Variants in MSRB3 observed in about 807,000 individuals in gnomAD.
The protein encoded by MSRB3 is methionine sulfoxide reductase B3, also known as methionine-R-sulfoxide reductase B3.
A neutral mutation model predicts 21.0 loss-of-function variants in MSRB3; 13 were observed. The observed-to-expected ratio is 0.62, with a 90% confidence interval of 0.40 to 0.98. The LOEUF (loss-of-function observed/expected upper bound fraction) is 0.98. Among genes scored for constraint, MSRB3 ranks in the 50% least tolerant of loss-of-function variants. The pLI is 0.00. For missense variants in MSRB3, 199 were observed against 230.3 expected (o/e 0.86, Z 0.88); for synonymous variants, 87 against 88.6 (o/e 0.98, Z 0.10).
intron 1 of MSRB3, chr12:65,279,173 C>G: frequency 1.1e-6 from 1 of 885,106 alleles, no homozygotes; most frequent in African/African-American, 1.8e-5. Context: ...GGGAGCCTCT[C>G]GCCCCGCGCG....
intron 1 of MSRB3, among the ~76,000 whole-genome samples, chr12:65,304,418 C>T (rs550824911): frequency 6.6e-6 from 1 of 152,008 alleles, no homozygotes; most frequent in Non-Finnish European, 1.5e-5. Context: ...TTTTAAATGC[C>T]CACTATTTTC....
chr12:65,459,750 A>G (rs1883240298), intron 6 of MSRB3, among the ~76,000 whole-genome samples: 1 of 152,242 alleles, frequency 6.6e-6, no homozygotes, highest in Non-Finnish European at 1.5e-5. Flanking sequence ...CCTCTAAGAC[A>G]GTGGGAAATA....
At chr12:65,314,238 C>T (rs2136431130) in intron 2 of MSRB3, among the ~76,000 whole-genome samples, 1 of 152,120 alleles carries the variant, frequency 6.6e-6, no homozygotes, top group Non-Finnish European at 1.5e-5. Context: ...GTTTTATATG[C>T]AGCTAAATTT....
At chr12:65,457,363 C>T (rs890496084) in intron 6 of MSRB3, among the ~76,000 whole-genome samples, 5 of 152,056 alleles carry the variant, frequency 3.3e-5, no homozygotes, top group Non-Finnish European at 7.4e-5. Flanking sequence ...AATGCTATCC[C>T]TCCCCTAGCC....
intron 4 of MSRB3, among the ~76,000 whole-genome samples, chr12:65,354,961 AG>A (rs1329785178): frequency 1.3e-5 from 2 of 151,866 alleles, no homozygotes; most frequent in East Asian, 3.9e-4. Context: ...GGAGTGGTAA[AG>A]CTAACTCCTT....
intron 6 of MSRB3, among the ~76,000 whole-genome samples, chr12:65,455,830 G>A (rs377380237): frequency 1.1e-4 from 17 of 152,044 alleles, no homozygotes; most frequent in African/African-American, 2.2e-4. Context: ...TCCACCCGCC[G>A]AGCTCAAGCA....
At chr12:65,337,608 A>G (rs1875871351) in intron 4 of MSRB3, among the ~76,000 whole-genome samples, 1 of 152,188 alleles carries the variant, frequency 6.6e-6, no homozygotes, top group East Asian at 1.9e-4. Context: ...AACATGCTAG[A>G]AAAGATATAA....
chr12:65,404,290 C>T (rs538963263), intron 5 of MSRB3, among the ~76,000 whole-genome samples: 9 of 152,310 alleles, frequency 5.9e-5, no homozygotes, highest in African/African-American at 1.9e-4. Context: ...ACATTTACAA[C>T]TAATCCAAAC....
intron 2 of MSRB3, among the ~76,000 whole-genome samples, chr12:65,326,361 A>G (rs1875027529): frequency 6.6e-6 from 1 of 152,212 alleles, no homozygotes; most frequent in African/African-American, 2.4e-5. Flanking sequence ...TAAATCATCC[A>G]CAATGGAAAT....
intron 4 of MSRB3, among the ~76,000 whole-genome samples, chr12:65,330,578 G>A (rs371495482): frequency 2.0e-5 from 3 of 152,190 alleles, no homozygotes; most frequent in South Asian, 2.1e-4. Context: ...GTGGTTGGCT[G>A]CGTCTTCCTC....
chr12:65,424,329 T>A (rs1383445464), intron 5 of MSRB3, among the ~76,000 whole-genome samples: 1 of 152,084 alleles, frequency 6.6e-6, no homozygotes, highest in African/African-American at 2.4e-5. Flanking sequence ...CTCTGATTTT[T>A]ATTATTTTCT....
chr12:65,432,730 G>T (rs1361195584), intron 5 of MSRB3, among the ~76,000 whole-genome samples: 1 of 151,936 alleles, frequency 6.6e-6, no homozygotes, highest in Non-Finnish European at 1.5e-5. Flanking sequence ...ACCAGTCAGA[G>T]AAGCAGTGGT....
intron 1 of MSRB3, among the ~76,000 whole-genome samples, chr12:65,303,805 G>C (rs1209639803): frequency 6.6e-6 from 1 of 152,156 alleles, no homozygotes; most frequent in Non-Finnish European, 1.5e-5. Flanking sequence ...CTGGGGACTA[G>C]AATTGGAGGC....
chr12:65,322,475 C>G (rs1462153723), intron 2 of MSRB3, among the ~76,000 whole-genome samples: 1 of 151,484 alleles, frequency 6.6e-6, no homozygotes, highest in Admixed American at 6.6e-5. Context: ...GCCATCATGT[C>G]GAAACCCCAT....
At chr12:65,287,866 G>C (rs1872465034) in intron 1 of MSRB3, among the ~76,000 whole-genome samples, 1 of 152,142 alleles carries the variant, frequency 6.6e-6, no homozygotes, top group African/African-American at 2.4e-5. Context: ...AGTCAGTGTA[G>C]TATTATGAAA....
intron 5 of MSRB3, among the ~76,000 whole-genome samples, chr12:65,451,736 A>C (rs1882867614): frequency 6.6e-6 from 1 of 152,182 alleles, no homozygotes; most frequent in African/African-American, 2.4e-5. Context: ...ACTAGCATTG[A>C]TATTTCCTAA....
intron 4 of MSRB3, among the ~76,000 whole-genome samples, chr12:65,352,203 C>A (rs578135716): frequency 1.3e-5 from 2 of 152,084 alleles, no homozygotes; most frequent in African/African-American, 2.4e-5. Flanking sequence ...ACAGAGCCAA[C>A]GACAAAAACC....
At chr12:65,373,039 G>A (rs1317662351) in intron 5 of MSRB3, among the ~76,000 whole-genome samples, 1 of 152,134 alleles carries the variant, frequency 6.6e-6, no homozygotes, top group African/African-American at 2.4e-5. Context: ...TTGGCCCTCT[G>A]TACATATCCA....
intron 2 of MSRB3, 137 bp downstream of exon 2, chr12:65,308,792 T>C: frequency 1.8e-6 from 2 of 1,141,064 alleles, no homozygotes; most frequent in Non-Finnish European, 2.6e-6. Flanking sequence ...CGGAAATTGG[T>C]TATAAATCAC....
Sources: gnomAD v4.1 joint callset for allele counts (sites outside exome capture counted in the v4.1 genomes callset) on GRCh38, gnomAD v4.1.1 for gene constraint, MANE v1.5 for transcripts, NCBI Gene and HGNC (gene_info 2026-07-23, HGNC 2026-07-21) for gene names.